The following CEP70 variants were observed in gnomAD, a reference collection of about 807,000 sequenced individuals.
CEP70 encodes the protein centrosomal protein 70.
Under a neutral mutation model 90.9 loss-of-function variants are expected in CEP70, and 70 were observed. That is an observed-to-expected ratio of 0.77 (90% CI 0.64 to 0.94). CEP70 has a LOEUF of 0.94. CEP70 is among the 40% of genes least tolerant of loss of function. The pLI, the probability that CEP70 is intolerant of heterozygous loss-of-function variation, is 0.00. For missense variants in CEP70, 648 were observed against 669.0 expected (o/e 0.97, Z 0.35); for synonymous variants, 220 against 228.3 (o/e 0.96, Z 0.33).
intron 2 of CEP70, 116 bp from the exon 3 acceptor site, chr3:138,573,048 T>C (rs2041285702): frequency 4.2e-6 from 3 of 715,156 alleles, no homozygotes; most frequent in Non-Finnish European, 7.2e-6. Flanking sequence ...AAGAATCCAC[T>C]ACTCTTGCAG....
chr3:138,535,546 A>T (rs1027605532), intron 7 of CEP70, among the ~76,000 whole-genome samples: 1 of 152,192 alleles, frequency 6.6e-6, no homozygotes, highest in Admixed American at 6.5e-5. Context: ...TTTTAATAAT[A>T]TCTGTAGTGG....
chr3:138,515,124 A>G (rs567590377), intron 11 of CEP70, among the ~76,000 whole-genome samples: 5 of 152,142 alleles, frequency 3.3e-5, no homozygotes, highest in Non-Finnish European at 7.4e-5. Flanking sequence ...TAAAATCACT[A>G]TGAATGCTGA....
chr3:138,545,963 C>T (rs1458124644), intron 6 of CEP70, among the ~76,000 whole-genome samples: 1 of 152,190 alleles, frequency 6.6e-6, no homozygotes, highest in Non-Finnish European at 1.5e-5. Context: ...ATTAGTAATA[C>T]TAATTTTGCC....
At chr3:138,555,454 A>T (rs2107993987) in intron 6 of CEP70, among the ~76,000 whole-genome samples, 1 of 152,338 alleles carries the variant, frequency 6.6e-6, no homozygotes, top group East Asian at 1.9e-4. Context: ...GCTTTTGCAC[A>T]GCAAAAGGAA....
chr3:138,541,359 T>A (rs558825819), intron 6 of CEP70, among the ~76,000 whole-genome samples: 3 of 150,746 alleles, frequency 2.0e-5, no homozygotes, highest in Non-Finnish European at 4.4e-5. Context: ...GCAGAAAGCA[T>A]ATTGGCCAGG....
intron 8 of CEP70, among the ~76,000 whole-genome samples, chr3:138,531,974 G>C (rs1452306939): frequency 6.6e-6 from 1 of 152,120 alleles, no homozygotes; most frequent in Non-Finnish European, 1.5e-5. Flanking sequence ...CTGTTTTAGT[G>C]ACCTTACATT....
In CEP70 at chr3:138,494,887, A is replaced by C; in HGVS notation, c.*128T>G. 1 of 608,622 alleles carries C rather than the reference A, an allele frequency of 1.6e-6. No homozygotes were observed. Among genetic ancestry groups the C allele is most frequent in the Non-Finnish European group, 2.9e-6 (1 of 339,800 alleles). 37.7% of individuals were successfully genotyped at this position (608,622 alleles called of 1,614,324 possible). A position where few individuals can be genotyped will look rare whatever the true frequency, so the allele number is the denominator to read the frequency against. ...AATTATACAGATGAAGAATGACCTAATACTAAGAAGGGGATGAATTCTGAG... is the reference window on the plus strand; with the variant it reads ...AATTATACAGATGAAGAATGACCTACTACTAAGAAGGGGATGAATTCTGAG... On this transcript the variant is annotated 3_prime_UTR_variant, in exon 18 of 18. Transcript: ENST00000264982.
chr3:138,557,841 A>G, intron 6 of CEP70, among the ~76,000 whole-genome samples: 1 of 152,216 alleles, frequency 6.6e-6, no homozygotes, highest in East Asian at 1.9e-4. Flanking sequence ...ATAACAGATC[A>G]AGCCCACAAA....
intron 6 of CEP70, among the ~76,000 whole-genome samples, chr3:138,540,080 G>A (rs2038623858): frequency 6.6e-6 from 1 of 152,130 alleles, no homozygotes; most frequent in Non-Finnish European, 1.5e-5. Flanking sequence ...AGGTCTAACG[G>A]CCAGCATCTA....
At chr3:138,565,775 C>CA (rs1228392410) in intron 6 of CEP70, among the ~76,000 whole-genome samples, 13 of 152,200 alleles carry the variant, frequency 8.5e-5, no homozygotes, top group African/African-American at 3.1e-4. Context: ...GCTAAGACTT[C>CA]ATGACTAAAA....
intron 6 of CEP70, among the ~76,000 whole-genome samples, chr3:138,549,476 G>A (rs951627593): frequency 5.3e-5 from 8 of 151,892 alleles, no homozygotes; most frequent in African/African-American, 1.7e-4. Flanking sequence ...TGACACAGCA[G>A]AGGCAGCCAT....
At chr3:138,576,685 T>A (rs562817105) in intron 2 of CEP70, among the ~76,000 whole-genome samples, 1 of 152,286 alleles carries the variant, frequency 6.6e-6, no homozygotes, top group South Asian at 2.1e-4. Context: ...ATTCAAAAAT[T>A]GACCACTTAG....
chr3:138,570,416 TCA>T lies in CEP70; in HGVS notation c.365_366del (p.Val122GlufsTer6). The T allele has an allele frequency of 6.2e-7, 1 of 1,610,284 alleles. No homozygotes were observed. The highest frequency in any genetic ancestry group is 8.5e-7 in the Non-Finnish European group (1 of 1,178,634). On this transcript the variant is annotated frameshift_variant, in exon 6 of 18. Transcript: ENST00000264982. LOFTEE classifies it high-confidence loss of function. Reference protein sequence around the residue: ...ANDLEQIMESVKSKIGELEDE... With the variant: ...ANDLEQIMESXKSKIGELEDE... ...TCCTCCAATTCACCAATTTTGGATT[TCA>T]CACTTTCCATAATTTGTTCCAAGTC... is the stretch of plus-strand genomic sequence containing the variant.
chr3:138,575,791 A>G (rs1323635540), intron 2 of CEP70, among the ~76,000 whole-genome samples: 1 of 152,244 alleles, frequency 6.6e-6, no homozygotes, highest in Non-Finnish European at 1.5e-5. Flanking sequence ...AGTGGGGGCC[A>G]ATATTCAACA....
chr3:138,523,021 C>T (rs2036828894), intron 11 of CEP70, among the ~76,000 whole-genome samples: 1 of 152,170 alleles, frequency 6.6e-6, no homozygotes, highest in Non-Finnish European at 1.5e-5. Context: ...AAAAGCTTAT[C>T]CACCATAGTC....
At chr3:138,575,355 G>A (rs921406391) in intron 2 of CEP70, among the ~76,000 whole-genome samples, 1 of 152,184 alleles carries the variant, frequency 6.6e-6, no homozygotes, top group East Asian at 1.9e-4. Flanking sequence ...GGGTATCAGT[G>A]ATTGAAGATC....
chr3:138,546,498 C>T (rs2039213278), intron 6 of CEP70, among the ~76,000 whole-genome samples: 1 of 152,142 alleles, frequency 6.6e-6, no homozygotes, highest in Admixed American at 6.5e-5. Context: ...CCTGTAATCC[C>T]AGCACTTTGG....
chr3:138,546,033 ATGTGATCTTCG>A (rs2039168654), intron 6 of CEP70, among the ~76,000 whole-genome samples: 2 of 152,116 alleles, frequency 1.3e-5, no homozygotes, highest in Non-Finnish European at 2.9e-5. Context: ...CCTTTAAAGC[ATGTGATCTTCG>A]TGACCTACTC....
chr3:138,582,097 G>A (rs912659858), intron 2 of CEP70, among the ~76,000 whole-genome samples: 33 of 152,146 alleles, frequency 2.2e-4, no homozygotes, highest in African/African-American at 7.7e-4. Flanking sequence ...TACAAGAAAT[G>A]CTAAAGGGAG....
Sources: allele counts gnomAD v4.1 joint callset (sites outside exome capture counted in the v4.1 genomes callset), GRCh38; gene constraint gnomAD v4.1.1; transcripts MANE v1.5; gene names NCBI Gene and HGNC (gene_info 2026-07-23, HGNC 2026-07-21).